The following RGS6 variants were observed in gnomAD, a reference collection of about 807,000 sequenced individuals.
RGS6 encodes the protein regulator of G protein signaling 6.
A neutral mutation model predicts 78.5 loss-of-function variants in RGS6; 30 were observed. The observed-to-expected ratio is 0.38, with a 90% confidence interval of 0.29 to 0.52. The LOEUF (loss-of-function observed/expected upper bound fraction) is 0.52. Among genes scored for constraint, RGS6 ranks in the 20% least tolerant of loss-of-function variants. The probability of loss-of-function intolerance (pLI) is 0.85; values close to 1 mark genes in which losing one functional copy is unlikely to be tolerated. For synonymous variants in RGS6, 206 were observed against 206.0 expected (o/e 1.00, Z 0.00); for missense variants, 495 against 609.7 (o/e 0.81, Z 1.98).
chr14:72,097,646 G>GCACCT (rs1164643578), intron 2 of RGS6, among the ~76,000 whole-genome samples: 3 of 152,166 alleles, frequency 2.0e-5, no homozygotes, highest in Non-Finnish European at 4.4e-5. Flanking sequence ...ACCTTGGGCT[G>GCACCT]TGTTGCTGCT....
intron 3 of RGS6, among the ~76,000 whole-genome samples, chr14:72,355,106 TC>T (rs34863360): frequency 1.3e-5 from 2 of 152,144 alleles, no homozygotes; most frequent in African/African-American, 4.8e-5. Context: ...TTTCTTGATA[TC>T]CTGCTTTTCT....
chr14:71,991,377 G>T (rs995517038), intron 2 of RGS6, among the ~76,000 whole-genome samples: 1 of 151,868 alleles, frequency 6.6e-6, no homozygotes, highest in Non-Finnish European at 1.5e-5. Context: ...TGTGAGAGAG[G>T]ATGAGAAAAA....
At chr14:72,551,312 T>G (rs1406052216) in intron 17 of RGS6, among the ~76,000 whole-genome samples, 1 of 152,174 alleles carries the variant, frequency 6.6e-6, no homozygotes, top group Non-Finnish European at 1.5e-5. Flanking sequence ...GAAGTGCATC[T>G]TGCTCCAGCA....
chr14:72,613,050 A>G, the RGS6 span, among the ~76,000 whole-genome samples: 189 of 149,986 alleles, frequency 1.3e-3, no homozygotes, highest in Non-Finnish European at 2.2e-3. Flanking sequence ...GCGTGCACGC[A>G]CGCGCATGCA....
chr14:72,461,119 A>G (rs1343303195), intron 6 of RGS6, among the ~76,000 whole-genome samples: 1 of 152,148 alleles, frequency 6.6e-6, no homozygotes, highest in East Asian at 1.9e-4. Flanking sequence ...GCTGCATTTG[A>G]CCGCTCATAA....
intron 2 of RGS6, among the ~76,000 whole-genome samples, chr14:71,979,121 AT>A (rs1319377233): frequency 6.7e-6 from 1 of 148,472 alleles, no homozygotes; most frequent in East Asian, 2.0e-4. Flanking sequence ...CCCCTTTATC[AT>A]TTTTTATTGT....
intron 13 of RGS6, among the ~76,000 whole-genome samples, chr14:72,498,346 A>T (rs1420357627): frequency 1.3e-5 from 2 of 152,036 alleles, no homozygotes; most frequent in African/African-American, 4.8e-5. Context: ...TGTTTCATTC[A>T]TTCCTCTGGT....
At chr14:72,307,240 C>T (rs748805507) in intron 2 of RGS6, among the ~76,000 whole-genome samples, 2 of 110,412 alleles carry the variant, frequency 1.8e-5, no homozygotes, top group South Asian at 7.4e-4. Flanking sequence ...CACACTCAAT[C>T]AACTACAGTA....
intron 2 of RGS6, among the ~76,000 whole-genome samples, chr14:71,981,550 G>A (rs1420148614): frequency 2.0e-5 from 3 of 148,162 alleles, no homozygotes; most frequent in East Asian, 2.0e-4. Flanking sequence ...CTGCTGGGGG[G>A]TGCCTCCCAG....
intron 2 of RGS6, among the ~76,000 whole-genome samples, chr14:72,259,629 C>G (rs943253834): frequency 1.3e-5 from 2 of 152,112 alleles, no homozygotes; most frequent in Admixed American, 6.5e-5. Context: ...TAATGAGGGC[C>G]GGGCGCGGTG....
intron 13 of RGS6, among the ~76,000 whole-genome samples, chr14:72,509,582 A>G (rs189485812): frequency 6.6e-6 from 1 of 152,340 alleles, no homozygotes; most frequent in African/African-American, 2.4e-5. Flanking sequence ...GACGGTGTCT[A>G]GCACACGGTA....
chr14:72,448,675 TA>T (rs1242197689), intron 3 of RGS6, among the ~76,000 whole-genome samples: 2 of 152,212 alleles, frequency 1.3e-5, no homozygotes, highest in Admixed American at 6.5e-5. Flanking sequence ...CAACAGCTAA[TA>T]ATAGTACCAA....
intron 2 of RGS6, among the ~76,000 whole-genome samples, chr14:71,984,302 A>AT: frequency 1.0e-4 from 1 of 9,602 alleles, no homozygotes; most frequent in South Asian, 8.5e-3. Flanking sequence ...TTATGTTAAA[A>AT]AAAAAAAAAA....
At chr14:71,926,631 C>T in the RGS6 span, among the ~76,000 whole-genome samples, 1 of 143,850 alleles carries the variant, frequency 7.0e-6, no homozygotes, top group Admixed American at 7.0e-5. Flanking sequence ...TTGGAAAATA[C>T]AGGACTTGTA....
intron 2 of RGS6, among the ~76,000 whole-genome samples, chr14:72,059,458 T>G (rs1434439738): frequency 6.6e-6 from 1 of 152,220 alleles, no homozygotes; most frequent in East Asian, 1.9e-4. Context: ...TGGTGCGCTC[T>G]CATTTAACTG....
chr14:72,034,529 A>G (rs947790167), intron 2 of RGS6, among the ~76,000 whole-genome samples: 13 of 151,998 alleles, frequency 8.6e-5, no homozygotes, highest in African/African-American at 2.9e-4. Context: ...CCACTTGGTC[A>G]TGATGTATAA....
the RGS6 span, among the ~76,000 whole-genome samples, chr14:72,628,253 G>A: frequency 2.6e-5 from 4 of 151,916 alleles, no homozygotes; most frequent in Admixed American, 2.6e-4. Context: ...TTAGTTCTAA[G>A]GTACAAATAC....
At chr14:72,528,522 C>A (rs1019755974) in intron 15 of RGS6, among the ~76,000 whole-genome samples, 4 of 152,194 alleles carry the variant, frequency 2.6e-5, no homozygotes, top group Admixed American at 6.5e-5. Context: ...CCCTCATCTT[C>A]TTTGGAGGAG....
At chr14:72,350,294 G>T (rs2078871353) in intron 2 of RGS6, among the ~76,000 whole-genome samples, 1 of 152,152 alleles carries the variant, frequency 6.6e-6, no homozygotes, top group East Asian at 1.9e-4. Flanking sequence ...GAGGCAGAAT[G>T]GCTCAGGGGT....
Sources: allele counts gnomAD v4.1 joint callset (sites outside exome capture counted in the v4.1 genomes callset), GRCh38; gene constraint gnomAD v4.1.1; transcripts MANE v1.5; gene names NCBI Gene and HGNC (gene_info 2026-07-23, HGNC 2026-07-21).